The following GRIP1 variants were observed in gnomAD, a reference collection of about 807,000 sequenced individuals.
GRIP1 encodes the protein glutamate receptor-interacting protein 1.
In GRIP1, 45 loss-of-function variants were observed where a neutral mutation model predicts 129.9. That is an observed-to-expected ratio of 0.35 (90% CI 0.27 to 0.44). The LOEUF (loss-of-function observed/expected upper bound fraction) is 0.44, where lower values mean the gene tolerates loss of function less well. GRIP1 is among the 20% of genes least tolerant of loss of function. The pLI is 1.00. For missense variants in GRIP1, 1,196 were observed against 1,396.8 expected (o/e 0.86, Z 2.29); for synonymous variants, 530 against 520.8 (o/e 1.02, Z -0.24).
At chr12:66,374,503 T>A in intron 22 of GRIP1, among the ~76,000 whole-genome samples, 1 of 152,194 alleles carries the variant, frequency 6.6e-6, no homozygotes, top group East Asian at 1.9e-4. Context: ...CTATGTTTAA[T>A]CTAGTGTATC....
Position 66,493,006 on chromosome 12 carries a change from A to AAAACAAACAAACAAACAAAC in GRIP1, c.724+22612_724+22613insGTTTGTTTGTTTGTTTGTTT, listed in dbSNP as rs148165279. On this transcript the variant is annotated intron_variant, in intron 7 of 24. Transcript: ENST00000359742. ...GCCTGGGTGACAGAGACTCTGTCTC[A>AAAACAAACAAACAAACAAAC]AAACAAACAAACAAACAAAAAATTA... Among the ~76,000 whole-genome samples the AAAACAAACAAACAAACAAAC allele has an allele frequency of 5.1e-3, 768 of 151,176 alleles. 10 individuals are homozygous for AAAACAAACAAACAAACAAAC. The highest frequency in any genetic ancestry group is 0.039 in the East Asian group (197 of 5,104).
At chr12:66,797,281 A>C (rs1042296656) in intron 1 of GRIP1, among the ~76,000 whole-genome samples, 2 of 152,196 alleles carry the variant, frequency 1.3e-5, no homozygotes, top group East Asian at 3.8e-4. Flanking sequence ...TGTTAAATGC[A>C]CTGCAGTTAT....
chr12:66,923,956 T>C (rs944292966), intron 1 of GRIP1, among the ~76,000 whole-genome samples: 1 of 152,178 alleles, frequency 6.6e-6, no homozygotes, highest in Non-Finnish European at 1.5e-5. Flanking sequence ...GTGATTCTCC[T>C]GCCTCAGCCT....
intron 1 of GRIP1, among the ~76,000 whole-genome samples, chr12:66,637,700 G>A (rs2031534403): frequency 1.3e-5 from 2 of 151,964 alleles, no homozygotes; most frequent in Admixed American, 6.6e-5. Flanking sequence ...AAAGACTGCA[G>A]AATCCTCTAC....
intron 1 of GRIP1, among the ~76,000 whole-genome samples, chr12:66,870,284 A>T (rs541540616): frequency 4.6e-5 from 7 of 152,262 alleles, no homozygotes; most frequent in African/African-American, 1.4e-4. Flanking sequence ...AGGCATTTTT[A>T]AGAGAAAAAT....
At chr12:66,912,516 T>A (rs2041046964) in intron 1 of GRIP1, among the ~76,000 whole-genome samples, 1 of 152,170 alleles carries the variant, frequency 6.6e-6, no homozygotes, top group Non-Finnish European at 1.5e-5. Flanking sequence ...TATATTTGAT[T>A]CATATCTGAT....
chr12:66,827,363 GGTGT>G lies in GRIP1; in HGVS notation c.59-230440_59-230437del, dbSNP rs34267289. Among the ~76,000 whole-genome samples the G allele has an allele frequency of 5.5e-3, 753 of 137,894 alleles. 9 individuals carry two copies. Among genetic ancestry groups the G allele is most frequent in the African/African-American group, 0.019 (707 of 37,696 alleles). The allele number at this position is 137,894 out of a possible 152,430, so 90.5% of individuals were successfully genotyped here. ...GAGGTTGCTCACTTACTCAAAACCA[GGTGT>G]GTGTGTGTGTGTGTGTGTGTGAGAG... On this transcript the variant is annotated intron_variant, in intron 1 of 1. Transcript: ENST00000643019.
At chr12:66,815,764 A>AAACC (rs1189240518) in intron 1 of GRIP1, among the ~76,000 whole-genome samples, 1 of 140,722 alleles carries the variant, frequency 7.1e-6, no homozygotes, top group African/African-American at 2.5e-5. Flanking sequence ...ACCCCGACTC[A>AAACC]AACCAAACAA....
At chr12:66,539,545 C>CTTTTTTTTTT (rs35373698) in intron 3 of GRIP1, among the ~76,000 whole-genome samples, 894 of 59,314 alleles carry the variant, frequency 0.015, 5 homozygotes, top group East Asian at 0.019. Context: ...TCAAGAGAAG[C>CTTTTTTTTTT]TTTTTTTTTT....
At chr12:66,362,802 C>T (rs1326867565) in intron 23 of GRIP1, among the ~76,000 whole-genome samples, 1 of 151,746 alleles carries the variant, frequency 6.6e-6, no homozygotes, top group African/African-American at 2.4e-5. Context: ...AAATAAGGCA[C>T]ACTAGACACT....
intron 1 of GRIP1, among the ~76,000 whole-genome samples, chr12:66,774,666 A>G (rs2037922712): frequency 6.6e-6 from 1 of 152,196 alleles, no homozygotes. Context: ...ATAAAAAGAA[A>G]TGCAACCATA....
At chr12:67,009,709 C>A (rs1012845948) in intron 1 of GRIP1, among the ~76,000 whole-genome samples, 3 of 152,108 alleles carry the variant, frequency 2.0e-5, no homozygotes, top group Non-Finnish European at 4.4e-5. Context: ...TCATCCAAGA[C>A]AAATCATAGG....
chr12:66,563,699 G>A (rs73323151), intron 2 of GRIP1: 2,325 of 153,824 alleles, frequency 0.015, 63 homozygotes, highest in African/African-American at 0.053. Flanking sequence ...CCAAGCATTG[G>A]GCTAGGAATT....
chr12:66,541,820 A>G lies in GRIP1; in HGVS notation c.267T>C (p.Ala89=). ...TTTCCCCAAGAGGCAGTTACCTAGC[A>G]GCAATTCCTCCTTGCCGCAGATTAG... ...RVSNLRQGGI[A]ARSDQLDVGD... The change falls in exon 3 of 25, where the codon GCT becomes GCC. Residue 89 remains alanine (A), a synonymous_variant. Transcript: ENST00000359742. 6.2e-7 allele frequency: 1 copy of G among 1,613,972 alleles called. No homozygotes were observed. Among genetic ancestry groups the G allele is most frequent in the Admixed American group, 1.7e-5 (1 of 60,022 alleles).
At chr12:66,979,874 G>T (rs1022934765) in intron 1 of GRIP1, among the ~76,000 whole-genome samples, 2 of 152,172 alleles carry the variant, frequency 1.3e-5, no homozygotes, top group African/African-American at 4.8e-5. Context: ...GAAGAGGCAA[G>T]GGAGGACTCT....
chr12:66,539,545 C>CTTTTTTTTTTTTTTTTTTTTTTTT (rs35373698), intron 3 of GRIP1, among the ~76,000 whole-genome samples: 5 of 59,288 alleles, frequency 8.4e-5, no homozygotes, highest in Non-Finnish European at 1.5e-4. Flanking sequence ...TCAAGAGAAG[C>CTTTTTTTTTTTTTTTTTTTTTTTT]TTTTTTTTTT....
chr12:66,725,510 C>T (rs1267156454), intron 1 of GRIP1, among the ~76,000 whole-genome samples: 1 of 151,980 alleles, frequency 6.6e-6, no homozygotes, highest in Non-Finnish European at 1.5e-5. Flanking sequence ...GGTATATATA[C>T]TGCTTTTACA....
intron 1 of GRIP1, among the ~76,000 whole-genome samples, chr12:66,790,201 G>A (rs116702238): frequency 3.6e-4 from 55 of 152,252 alleles, no homozygotes; most frequent in African/African-American, 1.1e-3. Flanking sequence ...TTTGGACTGC[G>A]CAATCAATGG....
chr12:66,579,632 C>T (rs1048449339), intron 2 of GRIP1, among the ~76,000 whole-genome samples: 16 of 152,104 alleles, frequency 1.1e-4, no homozygotes, highest in East Asian at 5.8e-4. Context: ...GGAGCCGATG[C>T]GATCAACTGG....
Sources: gnomAD v4.1 joint callset for allele counts (sites outside exome capture counted in the v4.1 genomes callset) on GRCh38, gnomAD v4.1.1 for gene constraint, MANE v1.5 for transcripts, NCBI Gene and HGNC (gene_info 2026-07-23, HGNC 2026-07-21) for gene names.